ZNF555: variants seen among roughly 807,000 people sequenced by gnomAD.
ZNF555 encodes the protein zinc finger protein 555.
ZNF555 carries 10 observed loss-of-function variants against 14.0 expected under a neutral mutation model. The observed-to-expected ratio is 0.72, with a 90% CI of 0.44 to 1.21. The LOEUF is 1.21. ZNF555 is among the 50% of genes most tolerant of loss of function. The pLI is 0.00. For missense variants in ZNF555, 747 were observed against 762.0 expected (o/e 0.98, Z 0.23); for synonymous variants, 277 against 262.4 (o/e 1.06, Z -0.54).
chr19:2,857,413 T>C lies in ZNF555; in HGVS notation c.*3461T>C, dbSNP rs2144863496. The C allele has an allele frequency of 6.6e-6, 1 of 152,312 alleles. No individual in the cohort carries two copies. Among genetic ancestry groups the C allele is most frequent in the East Asian group, 1.9e-4 (1 of 5,192 alleles). 9.4% of individuals were successfully genotyped at this position (152,312 alleles called of 1,614,324 possible). A position where few individuals can be genotyped will look rare whatever the true frequency, so the allele number is the denominator to read the frequency against. ...TAGAACACTGGAAAGCAAGTATAAT[T>C]AATTTTACAAATAGGGCATCAAATT... is the stretch of plus-strand genomic sequence containing the variant. On this transcript the variant is annotated 3_prime_UTR_variant, in exon 4 of 4. Coordinates refer to ENST00000334241, the MANE Select transcript of ZNF555 (RefSeq NM_152791.5).
At chr19:2,850,809 GAATA>G (rs1471071084) in intron 2 of ZNF555, 96 bp downstream of exon 2, 1 of 1,478,134 alleles carries the variant, frequency 6.8e-7, no homozygotes, top group Non-Finnish European at 9.3e-7. Context: ...TGTGGAAAGG[GAATA>G]AATTGGTAAA....
At chr19:2,842,250 G>A (rs2087543788) in intron 1 of ZNF555, among the ~76,000 whole-genome samples, 1 of 152,290 alleles carries the variant, frequency 6.6e-6, no homozygotes, top group African/African-American at 2.4e-5. Context: ...TTTCCTTCTT[G>A]AGGACTTCTT....
rs115788104 is a variant in ZNF555, at chr19:2,853,085, C to T, written c.1020C>T (p.Tyr340=). 1,071 of 1,612,656 alleles carry T rather than the reference C, an allele frequency of 6.6e-4. 5 individuals carry two copies. In the African/African-American group the frequency reaches 9.0e-3, roughly 14 times the overall value. Residue 340 remains tyrosine (Y), a synonymous_variant, in exon 4 of 4, where the codon TAC becomes TAT. Coordinates refer to ENST00000334241, the MANE Select transcript of ZNF555 (RefSeq NM_152791.5). ...HMITHTGEKP[Y]ECKQCGKTFI... is the part of the protein sequence containing the mutation. The stretch of plus-strand genomic sequence containing the variant: ...TAACACACACTGGAGAGAAACCCTA[C>T]GAATGCAAACAATGTGGGAAAACCT...
chr19:2,850,500 C>G (rs2087619401), intron 1 of ZNF555, 87 bp from the exon 2 acceptor site: 1 of 1,537,074 alleles, frequency 6.5e-7, no homozygotes. Context: ...ATCACAGAAT[C>G]TTGTTTGAAC....
Position 2,853,494 on chromosome 19 carries a change from GACA to G in ZNF555, c.1431_1433del (p.Asp477_Lys478delinsGlu). 6.2e-7 allele frequency: 1 copy of G among 1,614,166 alleles called. No homozygotes were observed. Among genetic ancestry groups the G allele is most frequent in the Non-Finnish European group, 8.5e-7 (1 of 1,180,026 alleles). ...AGAACATGTGAGAATGCACCCTGAA[GACA>G]AATCCTATGAATGCAAGCTATGTGG... On this transcript the variant is annotated inframe_deletion, in exon 4 of 4. Transcript: ENST00000334241.
intron 3 of ZNF555, among the ~76,000 whole-genome samples, chr19:2,852,157 A>G (rs2087635579): frequency 1.3e-5 from 2 of 151,930 alleles, no homozygotes; most frequent in African/African-American, 4.8e-5. Context: ...CAAAAAAAAA[A>G]AAAGAAAGAA....
chr19:2,851,711 ACTTT>A, intron 3 of ZNF555, 60 bp downstream of exon 3: 1 of 1,380,134 alleles, frequency 7.2e-7, no homozygotes, highest in Admixed American at 2.8e-5. Context: ...CTGTCATTAA[ACTTT>A]AAAAAAGCAA....
At chr19:2,846,929 C>T (rs1464059789) in intron 1 of ZNF555, among the ~76,000 whole-genome samples, 1 of 152,166 alleles carries the variant, frequency 6.6e-6, no homozygotes, top group Non-Finnish European at 1.5e-5. Flanking sequence ...AGTGTATCTC[C>T]ACTTAGAGAT....
At position 2,855,643 on chromosome 19, in the gene ZNF555, G is replaced by A. The variant is rs374226453; in HGVS notation, c.*1691G>A. 2.6e-5 allele frequency: 4 copies of A among 152,246 alleles called. No individual in the cohort carries two copies. Among genetic ancestry groups the A allele is most frequent in the African/African-American group, 9.6e-5 (4 of 41,550 alleles). 9.4% of individuals were successfully genotyped at this position (152,246 alleles called of 1,614,324 possible). On this transcript the variant is annotated 3_prime_UTR_variant, in exon 4 of 4. Transcript: ENST00000334241. ...AATTTCCCAGGGCTGCCATAACAAA[G>A]TACAAAAACTGGGTGACATAGGAAA...
intron 1 of ZNF555, among the ~76,000 whole-genome samples, chr19:2,850,036 A>G (rs775528175): frequency 1.3e-5 from 2 of 152,174 alleles, no homozygotes; most frequent in African/African-American, 2.4e-5. Flanking sequence ...TCTAGTTTCC[A>G]AGTTAAAATC....
At chr19:2,841,610 G>GTTTTT in intron 1 of ZNF555, 35 bp downstream of exon 1, 1 of 1,483,766 alleles carries the variant, frequency 6.7e-7, no homozygotes, top group Admixed American at 2.3e-5. Flanking sequence ...CCGGTGCGGG[G>GTTTTT]CAGCAGGAAC....
chr19:2,844,141 C>T (rs1263142836), intron 1 of ZNF555, among the ~76,000 whole-genome samples: 4 of 142,642 alleles, frequency 2.8e-5, no homozygotes, highest in African/African-American at 7.8e-5. Context: ...TCACCCTTTT[C>T]GCCCAGGCTG....
intron 1 of ZNF555, among the ~76,000 whole-genome samples, chr19:2,844,381 G>A (rs1471283895): frequency 6.6e-6 from 1 of 152,186 alleles, no homozygotes; most frequent in African/African-American, 2.4e-5. Flanking sequence ...GGGATTACAG[G>A]CGGGAGCCAC....
intron 1 of ZNF555, among the ~76,000 whole-genome samples, chr19:2,843,369 T>C (rs930972059): frequency 6.6e-6 from 1 of 152,142 alleles, no homozygotes; most frequent in Non-Finnish European, 1.5e-5. Context: ...CTCATTCTGT[T>C]ACCCAGGCTG....
rs773895412 is a variant in ZNF555 at position 2,850,574 on chromosome 19, T to G, written c.4-13T>G. 6.8e-6 allele frequency: 11 copies of G among 1,612,076 alleles called. No homozygotes were observed. In the African/African-American group the frequency reaches 1.5e-4, roughly 22 times the overall value. ...CTCAACCATCCTCCCATAAATATGT[T>G]GAATTGTTTTAGGACTCAGTGGTCT... is the stretch of plus-strand genomic sequence containing the variant. On this transcript the variant is annotated splice_polypyrimidine_tract_variant and intron_variant, in intron 1 of 3. Transcript: ENST00000334241.
chr19:2,843,959 A>G (rs4806876), intron 1 of ZNF555, among the ~76,000 whole-genome samples: 33,214 of 151,942 alleles, frequency 0.22, 4,897 homozygotes, highest in East Asian at 0.46. Flanking sequence ...ATCTCTGCCT[A>G]CTGGGTTCAA....
At chr19:2,849,159 C>T (rs983979944) in intron 1 of ZNF555, among the ~76,000 whole-genome samples, 2 of 151,952 alleles carry the variant, frequency 1.3e-5, no homozygotes, top group African/African-American at 4.8e-5. Flanking sequence ...TGCTGCGTGA[C>T]AGTATTTTGT....
chr19:2,851,308 T>G (rs1405572738), intron 2 of ZNF555, among the ~76,000 whole-genome samples, 160 bp from the exon 3 acceptor site: 1 of 151,996 alleles, frequency 6.6e-6, no homozygotes, highest in African/African-American at 2.4e-5. Context: ...GAATTTTTTT[T>G]TTTAATAATT....
intron 3 of ZNF555, 67 bp from the exon 4 acceptor site, chr19:2,852,313 G>A: frequency 6.3e-7 from 1 of 1,590,800 alleles, no homozygotes. Flanking sequence ...TTAAGATGCA[G>A]TCCTAATCCT....
Sources: allele counts gnomAD v4.1 joint callset (sites outside exome capture counted in the v4.1 genomes callset), GRCh38; gene constraint gnomAD v4.1.1; transcripts MANE v1.5; gene names NCBI Gene and HGNC (gene_info 2026-07-23, HGNC 2026-07-21).